Variants in PREPL observed in about 807,000 individuals in gnomAD.
The protein encoded by PREPL is prolyl endopeptidase like, also known as prolyl endopeptidase-like.
In PREPL, 77 loss-of-function variants were observed where a neutral mutation model predicts 70.6. That is an observed-to-expected ratio of 1.09 (90% CI 0.91 to 1.32). The LOEUF (loss-of-function observed/expected upper bound fraction) is 1.32, where lower values mean the gene tolerates loss of function less well. Among genes scored for constraint, PREPL ranks in the 40% most tolerant of loss-of-function variants. The pLI, the probability that PREPL is intolerant of heterozygous loss-of-function variation, is 0.00. For synonymous variants in PREPL, 315 were observed against 264.8 expected, an observed-to-expected ratio of 1.19 and a Z score of -1.84; for missense variants, 1,002 against 778.2, an observed-to-expected ratio of 1.29 and a Z score of -3.42.
rs1187893012 is a variant in PREPL at position 44,317,740 on chromosome 2, TAC to T, written c.*3614_*3615del. 1.2e-4 allele frequency: 18 copies of T among 152,386 alleles called. No individual in the cohort carries two copies. The highest frequency in any genetic ancestry group is 2.6e-4 in the African/African-American group (11 of 41,528). The allele number at this position is 152,386 out of a possible 1,614,324, so 9.4% of individuals were successfully genotyped here. A position where few individuals can be genotyped will look rare whatever the true frequency, so the allele number is the denominator to read the frequency against. On this transcript the variant is annotated 3_prime_UTR_variant, in exon 14 of 14. Coordinates refer to ENST00000409411, the MANE Select transcript of PREPL (RefSeq NM_001171613.2). ...AAAGAATACTAGAAGAAAAAAATTA[TAC>T]AGTCAATCCAACAAAAAGCTTAATA...
intron 1 of PREPL, among the ~76,000 whole-genome samples, chr2:44,352,424 G>C (rs1426899157): frequency 6.6e-6 from 1 of 151,996 alleles, no homozygotes; most frequent in African/African-American, 2.4e-5. Flanking sequence ...ACCATGCCCA[G>C]CTAATTTTTG....
intron 9 of PREPL, among the ~76,000 whole-genome samples, 168 bp downstream of exon 9, chr2:44,328,769 C>G (rs1312589496): frequency 6.6e-6 from 1 of 152,106 alleles, no homozygotes; most frequent in African/African-American, 2.4e-5. Flanking sequence ...CTTTTTGGAT[C>G]AACTAATCTG....
intron 5 of PREPL, 113 bp from the exon 6 acceptor site, chr2:44,339,476 G>C: frequency 7.1e-7 from 1 of 1,406,626 alleles, no homozygotes. Context: ...AATGCAGATA[G>C]GAAATTAAAA....
chr2:44,346,235 A>G (rs769639577), intron 2 of PREPL, 33 bp downstream of exon 2: 3 of 1,581,882 alleles, frequency 1.9e-6, no homozygotes, highest in Non-Finnish European at 2.6e-6. Flanking sequence ...GGTAATATCA[A>G]AAATTTTTTT....
chr2:44,360,882 G>A (rs1031403157), intron 1 of PREPL, among the ~76,000 whole-genome samples: 1 of 152,100 alleles, frequency 6.6e-6, no homozygotes, highest in Non-Finnish European at 1.5e-5. Context: ...ATGCCCCCTG[G>A]TATCAAAGGT....
chr2:44,351,972 A>G (rs1382531803), intron 1 of PREPL, among the ~76,000 whole-genome samples: 1 of 152,214 alleles, frequency 6.6e-6, no homozygotes, highest in Non-Finnish European at 1.5e-5. Context: ...GACCTAATCT[A>G]CTGCTACACG....
At chr2:44,337,251 T>C (rs1362280130) in intron 7 of PREPL, among the ~76,000 whole-genome samples, 1 of 152,212 alleles carries the variant, frequency 6.6e-6, no homozygotes, top group East Asian at 1.9e-4. Flanking sequence ...ATCTCTCTTC[T>C]CTGGTTTATT....
chr2:44,334,111 T>A (rs1409590739), intron 7 of PREPL, among the ~76,000 whole-genome samples: 1 of 152,232 alleles, frequency 6.6e-6, no homozygotes, highest in African/African-American at 2.4e-5. Context: ...TAGAAGTTCA[T>A]CCAGCTAATG....
intron 6 of PREPL, among the ~76,000 whole-genome samples, chr2:44,338,873 T>TA (rs1674916881): frequency 6.6e-6 from 1 of 152,250 alleles, no homozygotes; most frequent in Non-Finnish European, 1.5e-5. Context: ...TGCCAACTCA[T>TA]AAAATCACGA....
intron 1 of PREPL, among the ~76,000 whole-genome samples, chr2:44,349,816 T>C (rs898004714): frequency 7.2e-5 from 11 of 152,116 alleles, no homozygotes; most frequent in Non-Finnish European, 1.0e-4. Flanking sequence ...TTTTTAAAAA[T>C]TACAATAAGC....
rs754874624 is a variant in PREPL, at chr2:44,343,878, G to A, written c.216C>T (p.Ile72=). ...LKLDQPFIDC[I]RVAPDEKYVA... is the part of the protein sequence containing the mutation. Reference sequence around the variant, plus strand: ...CATATTTTTCATCTGGAGCAACTCTGATACAATCAATGAAGGGCTGGTCTA... The same window carrying A: ...CATATTTTTCATCTGGAGCAACTCTAATACAATCAATGAAGGGCTGGTCTA... The change falls in exon 4 of 14, where the codon ATC becomes ATT. Residue 72 remains isoleucine (I), a synonymous_variant. Transcript: ENST00000409411. 1.2e-6 allele frequency: 2 copies of A among 1,613,900 alleles called. No individual in the cohort carries two copies. The highest frequency in any genetic ancestry group is 3.3e-5 in the Admixed American group (2 of 59,986).
intron 8 of PREPL, among the ~76,000 whole-genome samples, chr2:44,331,474 G>A (rs1391788265): frequency 6.6e-6 from 1 of 152,092 alleles, no homozygotes; most frequent in African/African-American, 2.4e-5. Context: ...CCAAAGTGCT[G>A]GGATTATAGG....
chr2:44,359,808 A>G (rs1421816112), intron 1 of PREPL: 1 of 858,050 alleles, frequency 1.2e-6, no homozygotes, highest in East Asian at 2.5e-5. Context: ...TTCTCAGAGT[A>G]ACTAAGATCA....
At chr2:44,358,068 A>C (rs1156539786) in intron 1 of PREPL, among the ~76,000 whole-genome samples, 1 of 152,248 alleles carries the variant, frequency 6.6e-6, no homozygotes, top group African/African-American at 2.4e-5. Flanking sequence ...CAGCTAAGAT[A>C]GCGGCAAAAA....
Position 44,320,028 on chromosome 2 carries a change from G to C in PREPL, c.*1328C>G. Reference sequence around the variant, plus strand: ...AACCCCGAATTTGTCATTTCTATCAGTTTTTATATAAATTGTTCTTACCTA... The same window carrying C: ...AACCCCGAATTTGTCATTTCTATCACTTTTTATATAAATTGTTCTTACCTA... On this transcript the variant is annotated 3_prime_UTR_variant, in exon 14 of 14. Coordinates refer to ENST00000409411, the MANE Select transcript of PREPL (RefSeq NM_001171613.2). 1.6e-6 allele frequency: 1 copy of C among 616,126 alleles called. No individual in the cohort carries two copies. Among genetic ancestry groups the C allele is most frequent in the Non-Finnish European group, 2.8e-6 (1 of 353,564 alleles). 38.2% of individuals were successfully genotyped at this position (616,126 alleles called of 1,614,324 possible).
chr2:44,348,965 T>G (rs1676113627), intron 1 of PREPL, among the ~76,000 whole-genome samples: 1 of 152,178 alleles, frequency 6.6e-6, no homozygotes, highest in Non-Finnish European at 1.5e-5. Flanking sequence ...TCCAGTTGTT[T>G]CAAAGGCATA....
chr2:44,353,842 T>G (rs1215689177), intron 1 of PREPL, among the ~76,000 whole-genome samples: 3 of 151,858 alleles, frequency 2.0e-5, no homozygotes, highest in Non-Finnish European at 4.4e-5. Flanking sequence ...CCCAATCCCT[T>G]GCACTATAAA....
At chr2:44,323,611 A>C (rs1344064312) in intron 10 of PREPL, among the ~76,000 whole-genome samples, 200 bp from the exon 11 acceptor site, 1 of 152,204 alleles carries the variant, frequency 6.6e-6, no homozygotes, top group Non-Finnish European at 1.5e-5. Flanking sequence ...AGATTCCTTA[A>C]ATGACATATA....
intron 7 of PREPL, 109 bp downstream of exon 7, chr2:44,338,242 C>T (rs1248119193): frequency 2.8e-6 from 3 of 1,064,112 alleles, no homozygotes; most frequent in East Asian, 2.6e-5. Context: ...AGTTACATTC[C>T]TTTCAAGAAA....
Sources: gnomAD v4.1 joint callset for allele counts (sites outside exome capture counted in the v4.1 genomes callset) on GRCh38, gnomAD v4.1.1 for gene constraint, MANE v1.5 for transcripts, NCBI Gene and HGNC (gene_info 2026-07-23, HGNC 2026-07-21) for gene names.